The following SNTB2 variants were observed in gnomAD, a reference collection of about 807,000 sequenced individuals.
SNTB2 encodes syntrophin beta 2.
Under a neutral mutation model 46.2 loss-of-function variants are expected in SNTB2, and 34 were observed. The observed-to-expected ratio is 0.74, with a 90% CI of 0.56 to 0.98. The LOEUF (loss-of-function observed/expected upper bound fraction) is 0.98, where lower values mean the gene tolerates loss of function less well. Ranked by LOEUF, SNTB2 falls within the 50% of genes least tolerant of loss-of-function variation. The pLI is 0.00. For missense variants in SNTB2, 603 were observed against 731.4 expected (o/e 0.82, Z 2.02); for synonymous variants, 290 against 312.6 (o/e 0.93, Z 0.76).
chr16:69,207,450 G>A (rs972949523), intron 1 of SNTB2, among the ~76,000 whole-genome samples: 1 of 151,998 alleles, frequency 6.6e-6, no homozygotes, highest in Non-Finnish European at 1.5e-5. Flanking sequence ...GAGCCACCGC[G>A]CCTGGTCAAA....
chr16:69,253,584 G>A (rs1024039954), intron 2 of SNTB2, among the ~76,000 whole-genome samples: 3 of 152,122 alleles, frequency 2.0e-5, no homozygotes, highest in Non-Finnish European at 4.4e-5. Flanking sequence ...AGGAGGCGGA[G>A]CTTGCATTGA....
chr16:69,284,466 A>G (rs1048865697), intron 5 of SNTB2, among the ~76,000 whole-genome samples: 8,871 of 123,180 alleles, frequency 0.072, 840 homozygotes, highest in Non-Finnish European at 0.1. Context: ...TACTAAAAAA[A>G]AAAAAAAAAA....
At chr16:69,249,024 T>C (rs1397148016) in intron 2 of SNTB2, among the ~76,000 whole-genome samples, 1 of 79,900 alleles carries the variant, frequency 1.3e-5, no homozygotes, top group Non-Finnish European at 2.4e-5. Context: ...CATTTCTTTC[T>C]TTTTTTTTTT....
intron 1 of SNTB2, among the ~76,000 whole-genome samples, chr16:69,238,401 G>A (rs903783369): frequency 2.6e-5 from 4 of 152,078 alleles, no homozygotes; most frequent in African/African-American, 9.7e-5. Context: ...TTTCCATGTG[G>A]TTTCCCTGCA....
At chr16:69,293,613 G>A (rs1442000585) in intron 5 of SNTB2, among the ~76,000 whole-genome samples, 1 of 152,190 alleles carries the variant, frequency 6.6e-6, no homozygotes, top group Non-Finnish European at 1.5e-5. Context: ...AGGAGAGAGG[G>A]GGAGTGGTAC....
intron 3 of SNTB2, among the ~76,000 whole-genome samples, chr16:69,262,829 A>G (rs749823286): frequency 2.6e-5 from 4 of 152,032 alleles, no homozygotes; most frequent in Non-Finnish European, 5.9e-5. Flanking sequence ...GGCACATGCC[A>G]CCACACCCAG....
intron 5 of SNTB2, among the ~76,000 whole-genome samples, chr16:69,290,625 T>C (rs982529916): frequency 2.0e-5 from 3 of 152,250 alleles, no homozygotes; most frequent in Non-Finnish European, 4.4e-5. Flanking sequence ...GTATATACTC[T>C]GTGCTTTTAC....
chr16:69,293,858 A>G (rs1017354391), intron 5 of SNTB2, among the ~76,000 whole-genome samples: 19 of 152,198 alleles, frequency 1.2e-4, no homozygotes, highest in Non-Finnish European at 2.4e-4. Flanking sequence ...AAGAGAAGAA[A>G]TAACGGAGGG....
chr16:69,262,947 A>G (rs1964848984), intron 3 of SNTB2, among the ~76,000 whole-genome samples: 1 of 152,106 alleles, frequency 6.6e-6, no homozygotes, highest in African/African-American at 2.4e-5. Context: ...AAGTGCTGGG[A>G]TCCGGCCAAT....
In SNTB2 at chr16:69,221,049, G is replaced by A. The variant is rs185981736; in HGVS notation, c.581-24553G>A. Among the ~76,000 whole-genome samples, 4 of 152,214 alleles carry A rather than the reference G, an allele frequency of 2.6e-5. No homozygotes were observed. In the East Asian group the frequency reaches 7.7e-4, roughly 29 times the overall value. On this transcript the variant is annotated intron_variant, in intron 1 of 6. Coordinates refer to ENST00000336278, the MANE Select transcript of SNTB2 (RefSeq NM_006750.4). ...TATATGTGGACTCACACAGTATGTA[G>A]CCTTTTGATTCTGGTAAGAAAGTCA...
At chr16:69,201,022 C>T (rs1056779730) in intron 1 of SNTB2, among the ~76,000 whole-genome samples, 5 of 152,144 alleles carry the variant, frequency 3.3e-5, no homozygotes, top group Admixed American at 2.6e-4. Context: ...TCAGACAAAT[C>T]GAGTCATTTC....
At chr16:69,210,767 C>T (rs764500955) in intron 1 of SNTB2, among the ~76,000 whole-genome samples, 3 of 152,020 alleles carry the variant, frequency 2.0e-5, no homozygotes, top group Admixed American at 6.6e-5. Context: ...CTGAGGTGGG[C>T]GGATCCCCTG....
rs892223991 is a variant in SNTB2 at position 69,304,820 on chromosome 16, C to T, written c.*3896C>T. On this transcript the variant is annotated 3_prime_UTR_variant, in exon 7 of 7. Transcript: ENST00000336278. ...CTGGGACCACAGGTGTGTGCCACCA[C>T]ACCTGGCTAATTTTTATGGATTTTT... The T allele has an allele frequency of 6.6e-6, 1 of 151,826 alleles. No individual in the cohort carries two copies. The highest frequency in any genetic ancestry group is 2.4e-5 in the African/African-American group (1 of 41,300). The allele number at this position is 151,826 out of a possible 1,614,324, so 9.4% of individuals were successfully genotyped here. A position where few individuals can be genotyped will look rare whatever the true frequency, so the allele number is the denominator to read the frequency against.
chr16:69,228,149 T>C (rs1407257606), intron 1 of SNTB2, among the ~76,000 whole-genome samples: 2 of 152,176 alleles, frequency 1.3e-5, no homozygotes, highest in Non-Finnish European at 2.9e-5. Context: ...TTACTTTTAT[T>C]AGTTAAGCTT....
At chr16:69,251,066 C>T (rs2143059231) in intron 2 of SNTB2, among the ~76,000 whole-genome samples, 1 of 148,332 alleles carries the variant, frequency 6.7e-6, no homozygotes, top group East Asian at 2.1e-4. Context: ...GCAAGCTCCG[C>T]CTCCCGGGTT....
chr16:69,258,180 ACTCT>A (rs1964796505), intron 2 of SNTB2, among the ~76,000 whole-genome samples: 1 of 151,664 alleles, frequency 6.6e-6, no homozygotes, highest in Non-Finnish European at 1.5e-5. Context: ...TGTAAAGAAA[ACTCT>A]CTCCCTGGTC....
intron 1 of SNTB2, among the ~76,000 whole-genome samples, chr16:69,207,970 A>C (rs1389686223): frequency 1.4e-5 from 2 of 138,798 alleles, no homozygotes; most frequent in Non-Finnish European, 3.3e-5. Flanking sequence ...TTAGCCAGGC[A>C]TGGTGGTGCT....
chr16:69,228,732 G>A (rs1964480912), intron 1 of SNTB2, among the ~76,000 whole-genome samples: 1 of 151,944 alleles, frequency 6.6e-6, no homozygotes, highest in Non-Finnish European at 1.5e-5. Flanking sequence ...TACACACTAA[G>A]TAAGTATACA....
chr16:69,290,908 A>G (rs1965153898), intron 5 of SNTB2, among the ~76,000 whole-genome samples: 1 of 152,222 alleles, frequency 6.6e-6, no homozygotes, highest in Admixed American at 6.5e-5. Flanking sequence ...AATGACTCAC[A>G]CTTATGACCA....
Sources: allele counts gnomAD v4.1 joint callset (sites outside exome capture counted in the v4.1 genomes callset), GRCh38; gene constraint gnomAD v4.1.1; transcripts MANE v1.5; gene names NCBI Gene and HGNC (gene_info 2026-07-23, HGNC 2026-07-21).